The following CTBP1 variants were observed in gnomAD, a reference collection of about 807,000 sequenced individuals.
CTBP1 encodes the protein C-terminal binding protein 1.
CTBP1 carries 11 observed loss-of-function variants against 42.1 expected under a neutral mutation model. The ratio of observed to expected loss-of-function variants is 0.26; its 90% CI spans 0.16 to 0.43. The LOEUF is 0.43. CTBP1 is among the 20% of genes least tolerant of loss of function. The probability of loss-of-function intolerance (pLI) is 1.00; values close to 1 mark genes in which losing one functional copy is unlikely to be tolerated. For missense variants in CTBP1, 399 were observed against 624.3 expected, an observed-to-expected ratio of 0.64 and a Z score of 3.85; for synonymous variants, 324 against 277.1, an observed-to-expected ratio of 1.17 and a Z score of -1.68.
At chr4:1,246,465 G>A (rs535311570) in intron 1 of CTBP1, among the ~76,000 whole-genome samples, 1 of 152,328 alleles carries the variant, frequency 6.6e-6, no homozygotes, top group African/African-American at 2.4e-5. Flanking sequence ...CCTTCTACAA[G>A]GAGAGTCAAC....
At chr4:1,244,110 C>T (rs754545197) in intron 1 of CTBP1, 114 of 985,240 alleles carry the variant, frequency 1.2e-4, no homozygotes, top group Non-Finnish European at 1.3e-4. Flanking sequence ...TGCACGGTGG[C>T]GGCCCGATGA....
intron 9 of CTBP1, 164 bp downstream of exon 9, chr4:1,212,749 C>T (rs1319269696): frequency 4.5e-6 from 3 of 666,320 alleles, no homozygotes; most frequent in South Asian, 3.7e-5. Flanking sequence ...CCAAGAGGCC[C>T]TGGTTCTCAT....
chr4:1,245,321 G>A, intron 1 of CTBP1: 2 of 985,426 alleles, frequency 2.0e-6, no homozygotes, highest in Non-Finnish European at 2.4e-6. Flanking sequence ...ACGTTTCCCT[G>A]TTTGTTCAGC....
intron 1 of CTBP1, chr4:1,242,305 G>A: frequency 6.1e-6 from 6 of 985,362 alleles, no homozygotes; most frequent in Non-Finnish European, 7.2e-6. Context: ...CCCTGCTCTG[G>A]CATGAAGACA....
At chr4:1,212,512 G>A in intron 9 of CTBP1, 89 bp from the exon 10 acceptor site, 15 of 1,160,966 alleles carry the variant, frequency 1.3e-5, no homozygotes, top group Non-Finnish European at 1.7e-5. Flanking sequence ...GCACCGAGGG[G>A]GCCTCTCCAG....
chr4:1,247,773 G>GAGA (rs55946408), intron 1 of CTBP1, among the ~76,000 whole-genome samples: 103 of 149,682 alleles, frequency 6.9e-4, no homozygotes, highest in Non-Finnish European at 1.3e-3. Context: ...GGGGAGGGGG[G>GAGA]GGGGGCTCGG....
At chr4:1,237,063 G>A in intron 3 of CTBP1, 1 of 642,068 alleles carries the variant, frequency 1.6e-6, no homozygotes, top group Non-Finnish European at 2.8e-6. Context: ...AACCGAGTGT[G>A]GGGCTCAGGG....
chr4:1,215,350 C>T (rs970266675), intron 6 of CTBP1, among the ~76,000 whole-genome samples: 3 of 152,370 alleles, frequency 2.0e-5, no homozygotes, highest in Admixed American at 6.5e-5. Context: ...CTCATACAAA[C>T]ATGCAGACAC....
intron 2 of CTBP1, among the ~76,000 whole-genome samples, chr4:1,239,321 GC>G (rs1469100918): frequency 6.6e-6 from 1 of 152,214 alleles, no homozygotes; most frequent in Middle Eastern, 3.2e-3. Context: ...CAGAGGCGGA[GC>G]TGGGGCCAGG....
intron 3 of CTBP1, 49 bp from the exon 4 acceptor site, chr4:1,228,392 G>A: frequency 6.3e-7 from 1 of 1,588,752 alleles, no homozygotes; most frequent in Non-Finnish European, 8.6e-7. Context: ...AAGACCCTCG[G>A]GCTTGGCCTT....
chr4:1,214,359 C>A lies in CTBP1; in HGVS notation c.844G>T (p.Glu282Ter). 1 of 1,566,240 alleles carries A rather than the reference C, an allele frequency of 6.4e-7. No individual in the cohort carries two copies. Among genetic ancestry groups the A allele is most frequent in the Admixed American group, 2.0e-5 (1 of 49,810 alleles). Residue 282 changes from glutamate (E) to a stop codon, truncating the protein, a stop_gained, in exon 7 of 10, where the codon GAG becomes TAG. Coordinates refer to ENST00000382952, the MANE Select transcript of CTBP1 (RefSeq NM_001012614.2). LOFTEE classifies it high-confidence loss of function. ...TGGGGGCACCTGAAGGGTTCCGACT[C>A]GTGCACATCCAGGGCCGCGCCGCGG... is the stretch of plus-strand genomic sequence containing the variant. Reference protein sequence around the residue: ...RIRGAALDVHESEPFSFSQGP... With the variant: ...RIRGAALDVH
At chr4:1,226,995 G>C (rs1730420327) in intron 4 of CTBP1, among the ~76,000 whole-genome samples, 1 of 152,072 alleles carries the variant, frequency 6.6e-6, no homozygotes, top group African/African-American at 2.4e-5. Flanking sequence ...TGTGGGCAAG[G>C]GCAGGGTACA....
chr4:1,247,196 C>A (rs930800058), intron 1 of CTBP1, among the ~76,000 whole-genome samples: 2 of 152,224 alleles, frequency 1.3e-5, no homozygotes, highest in African/African-American at 4.8e-5. Flanking sequence ...CTGCCCTGGT[C>A]AAGGCTGACA....
chr4:1,234,084 G>T (rs554217952), intron 3 of CTBP1, among the ~76,000 whole-genome samples: 1 of 152,306 alleles, frequency 6.6e-6, no homozygotes, highest in Non-Finnish European at 1.5e-5. Context: ...CTGTTCTGGA[G>T]CTCAATCCTT....
intron 3 of CTBP1, among the ~76,000 whole-genome samples, chr4:1,234,468 T>C (rs906407238): frequency 6.6e-6 from 1 of 152,228 alleles, no homozygotes; most frequent in East Asian, 1.9e-4. Context: ...TGTATTTATG[T>C]TGTCCTTTCT....
chr4:1,229,203 G>A (rs939534202), intron 3 of CTBP1, among the ~76,000 whole-genome samples: 1 of 152,220 alleles, frequency 6.6e-6, no homozygotes, highest in Non-Finnish European at 1.5e-5. Context: ...GAGGCACACA[G>A]GTGGAGGAAG....
intron 1 of CTBP1, among the ~76,000 whole-genome samples, chr4:1,247,525 G>A (rs1732842030): frequency 1.3e-5 from 2 of 152,244 alleles, no homozygotes; most frequent in African/African-American, 2.4e-5. Flanking sequence ...AAAGTTCCAG[G>A]ACACAGAAAG....
intron 8 of CTBP1, 119 bp downstream of exon 8, chr4:1,213,359 C>G: frequency 6.7e-7 from 1 of 1,496,612 alleles, no homozygotes; most frequent in Non-Finnish European, 9.1e-7. Flanking sequence ...GCAGTGAGAG[C>G]ACCACGGGCC....
chr4:1,243,081 C>A (rs865844483), intron 1 of CTBP1: 10 of 985,356 alleles, frequency 1.0e-5, no homozygotes, highest in Non-Finnish European at 1.2e-5. Context: ...CCAGTCAATA[C>A]TCATCAATGC....
Sources: gnomAD v4.1 joint callset for allele counts (sites outside exome capture counted in the v4.1 genomes callset) on GRCh38, gnomAD v4.1.1 for gene constraint, MANE v1.5 for transcripts, NCBI Gene and HGNC (gene_info 2026-07-23, HGNC 2026-07-21) for gene names.